The following DAP variants were observed in gnomAD, a reference collection of about 807,000 sequenced individuals.
DAP encodes death-associated protein 1.
In DAP, 8 loss-of-function variants were observed where a neutral mutation model predicts 13.8. The ratio of observed to expected loss-of-function variants is 0.58; its 90% CI spans 0.34 to 1.05. The LOEUF (loss-of-function observed/expected upper bound fraction) is 1.05, where lower values mean the gene tolerates loss of function less well. DAP is among the 50% of genes least tolerant of loss of function. The pLI is 0.03. For missense variants in DAP, 106 were observed against 133.2 expected, an observed-to-expected ratio of 0.80 and a Z score of 1.01; for synonymous variants, 47 against 47.5, an observed-to-expected ratio of 0.99 and a Z score of 0.04.
At chr5:10,710,345 T>C (rs1046901617) in intron 2 of DAP, among the ~76,000 whole-genome samples, 1 of 152,230 alleles carries the variant, frequency 6.6e-6, no homozygotes, top group African/African-American at 2.4e-5. Flanking sequence ...GTTGCAGTTA[T>C]CTGACCCAAG....
Position 10,720,215 on chromosome 5 carries a change from G to C in DAP, c.152+27960C>G, listed in dbSNP as rs569878972. ...ATGGGCATTTGAGCCACTTCCTCATGTAACTTACTTGTGCCTTCAGGACTT... is the reference window on the plus strand; with the variant it reads ...ATGGGCATTTGAGCCACTTCCTCATCTAACTTACTTGTGCCTTCAGGACTT... On this transcript the variant is annotated intron_variant, in intron 2 of 3. Transcript: ENST00000230895. Among the ~76,000 whole-genome samples, 4 of 152,288 alleles carry C rather than the reference G, an allele frequency of 2.6e-5. No homozygotes were observed. The East Asian group carries it at 7.7e-4, about 29-fold the overall frequency.
intron 2 of DAP, among the ~76,000 whole-genome samples, chr5:10,743,571 C>T (rs538060148): frequency 1.7e-4 from 26 of 152,296 alleles, no homozygotes; most frequent in African/African-American, 6.0e-4. Flanking sequence ...ATATCTTGTA[C>T]CAAGCCCAGA....
intron 1 of DAP, among the ~76,000 whole-genome samples, chr5:10,751,368 G>C (rs998747714): frequency 6.6e-6 from 1 of 152,142 alleles, no homozygotes. Context: ...ATCAGAAATG[G>C]AGACTGAAAA....
At chr5:10,752,719 T>C (rs1179384452) in intron 1 of DAP, among the ~76,000 whole-genome samples, 1 of 152,176 alleles carries the variant, frequency 6.6e-6, no homozygotes, top group East Asian at 1.9e-4. Context: ...TGTGTGGCTG[T>C]GTGTGGGCAA....
intron 2 of DAP, among the ~76,000 whole-genome samples, chr5:10,722,755 T>A (rs1739187530): frequency 6.6e-6 from 1 of 151,818 alleles, no homozygotes; most frequent in African/African-American, 2.4e-5. Context: ...AATGACAACA[T>A]CTAAGTGACA....
chr5:10,759,341 G>A (rs1209267303), intron 1 of DAP, among the ~76,000 whole-genome samples: 1 of 152,208 alleles, frequency 6.6e-6, no homozygotes, highest in African/African-American at 2.4e-5. Context: ...CCTGGAGGCA[G>A]CCCTGCCCGG....
chr5:10,702,941 C>T (rs1451783034), intron 2 of DAP, among the ~76,000 whole-genome samples: 1 of 152,238 alleles, frequency 6.6e-6, no homozygotes, highest in Non-Finnish European at 1.5e-5. Flanking sequence ...CACCCTTACC[C>T]TGAGCATAAA....
intron 1 of DAP, among the ~76,000 whole-genome samples, chr5:10,749,046 T>C (rs1739980012): frequency 6.6e-6 from 1 of 152,164 alleles, no homozygotes; most frequent in African/African-American, 2.4e-5. Context: ...TTCGGACATG[T>C]GATATAAGTG....
intron 2 of DAP, among the ~76,000 whole-genome samples, chr5:10,732,266 A>G (rs1300561507): frequency 6.6e-6 from 1 of 152,236 alleles, no homozygotes; most frequent in Non-Finnish European, 1.5e-5. Flanking sequence ...TCACTATGTT[A>G]TGCAACCCAC....
At chr5:10,741,247 C>A (rs927948767) in intron 2 of DAP, among the ~76,000 whole-genome samples, 1 of 152,026 alleles carries the variant, frequency 6.6e-6, no homozygotes, top group Non-Finnish European at 1.5e-5. Context: ...TAGCTACTTG[C>A]GAGGCAGAGG....
intron 2 of DAP, among the ~76,000 whole-genome samples, chr5:10,685,427 C>T (rs958076299): frequency 6.6e-6 from 1 of 152,190 alleles, no homozygotes; most frequent in Admixed American, 6.5e-5. Context: ...CTGATACCAT[C>T]CACAGGGGAG....
chr5:10,719,517 A>T (rs1739082034), intron 2 of DAP, among the ~76,000 whole-genome samples: 1 of 152,202 alleles, frequency 6.6e-6, no homozygotes, highest in Non-Finnish European at 1.5e-5. Flanking sequence ...TTTGAGAGAC[A>T]GCTCTTGGCC....
intron 2 of DAP, among the ~76,000 whole-genome samples, chr5:10,713,706 C>G (rs139636274): frequency 6.6e-6 from 1 of 152,328 alleles, no homozygotes; most frequent in Non-Finnish European, 1.5e-5. Flanking sequence ...AGCAAGGAGC[C>G]GTCCCTCCAG....
At chr5:10,711,219 G>T (rs187474504) in intron 2 of DAP, among the ~76,000 whole-genome samples, 25 of 152,336 alleles carry the variant, frequency 1.6e-4, no homozygotes, top group Admixed American at 1.6e-3. Context: ...CAGACCTCGG[G>T]ATCAGCAGGG....
intron 1 of DAP, among the ~76,000 whole-genome samples, chr5:10,760,725 C>G (rs141222253): frequency 8.2e-4 from 125 of 152,342 alleles, no homozygotes; most frequent in African/African-American, 2.8e-3. Flanking sequence ...CAACTGGGTT[C>G]GCCCAAGGCA....
chr5:10,733,130 T>C (rs1222884928), intron 2 of DAP, among the ~76,000 whole-genome samples: 2 of 151,678 alleles, frequency 1.3e-5, no homozygotes, highest in African/African-American at 4.8e-5. Context: ...GGATTTCCCC[T>C]TTTTAAGGTT....
At chr5:10,683,722 A>AT in intron 2 of DAP, 151 bp from the exon 3 acceptor site, 1 of 729,704 alleles carries the variant, frequency 1.4e-6, no homozygotes, top group Non-Finnish European at 2.4e-6. Flanking sequence ...TGTTGTAATG[A>AT]TCACACTACG....
chr5:10,745,346 C>T (rs2126676475), intron 2 of DAP, among the ~76,000 whole-genome samples: 1 of 152,318 alleles, frequency 6.6e-6, no homozygotes, highest in Non-Finnish European at 1.5e-5. Context: ...AGGACAAGTG[C>T]TAACACACTC....
chr5:10,700,169 G>C (rs1184200021), intron 2 of DAP, among the ~76,000 whole-genome samples: 5 of 152,196 alleles, frequency 3.3e-5, no homozygotes, highest in Non-Finnish European at 7.3e-5. Flanking sequence ...GAGGGGAATT[G>C]ATGTGTAGTG....
Sources: gnomAD v4.1 joint callset for allele counts (sites outside exome capture counted in the v4.1 genomes callset) on GRCh38, gnomAD v4.1.1 for gene constraint, MANE v1.5 for transcripts, NCBI Gene and HGNC (gene_info 2026-07-23, HGNC 2026-07-21) for gene names.